ADAMTS3: variants seen among roughly 807,000 people sequenced by gnomAD.
The protein encoded by ADAMTS3 is ADAM metallopeptidase with thrombospondin type 1 motif 3.
Under a neutral mutation model 129.0 loss-of-function variants are expected in ADAMTS3, and 73 were observed. The observed-to-expected ratio is 0.57, with a 90% CI of 0.47 to 0.69. ADAMTS3 has a LOEUF of 0.69. Among genes scored for constraint, ADAMTS3 ranks in the 30% least tolerant of loss-of-function variants. The pLI is 0.00. For synonymous variants in ADAMTS3, 477 were observed against 510.8 expected (o/e 0.93, Z 0.89); for missense variants, 1,457 against 1,514.5 (o/e 0.96, Z 0.63).
At chr4:72,320,903 G>C in intron 6 of ADAMTS3, 33 bp from the exon 7 acceptor site, 1 of 1,588,780 alleles carries the variant, frequency 6.3e-7, no homozygotes, top group Non-Finnish European at 8.6e-7. Flanking sequence ...AGACACACCT[G>C]ACAATTTCCC....
intron 4 of ADAMTS3, among the ~76,000 whole-genome samples, chr4:72,394,674 A>C (rs1022846912): frequency 6.6e-6 from 1 of 152,190 alleles, no homozygotes; most frequent in Non-Finnish European, 1.5e-5. Context: ...TGCATTATTC[A>C]AAAGAAGTCA....
chr4:72,427,106 G>A (rs530860946), intron 3 of ADAMTS3, among the ~76,000 whole-genome samples: 1 of 152,218 alleles, frequency 6.6e-6, no homozygotes, highest in East Asian at 1.9e-4. Flanking sequence ...AGGCTGACTG[G>A]TGTCAAGGTG....
rs577901133 is a variant in ADAMTS3, at chr4:72,348,880, T to A, written c.662-9187A>T. 2.0e-5 allele frequency among the ~76,000 whole-genome samples: 3 copies of A among 151,896 alleles called. No individual in the cohort carries two copies. In the South Asian group the frequency reaches 6.2e-4, roughly 32 times the overall value. ...AAGGACCTGAATTCTGCCAACAACC[T>A]GAATGAGCCTGGAAATGGACTATTT... is the stretch of plus-strand genomic sequence containing the variant. On this transcript the variant is annotated intron_variant, in intron 4 of 21. Coordinates refer to ENST00000286657, the MANE Select transcript of ADAMTS3 (RefSeq NM_014243.3).
chr4:72,547,864 T>C (rs1159422615), intron 3 of ADAMTS3, among the ~76,000 whole-genome samples: 1 of 152,082 alleles, frequency 6.6e-6, no homozygotes, highest in East Asian at 1.9e-4. Flanking sequence ...CAAACCTGAG[T>C]CTACGTAGCA....
chr4:72,415,995 C>T (rs980232552), intron 3 of ADAMTS3, among the ~76,000 whole-genome samples: 1 of 151,300 alleles, frequency 6.6e-6, no homozygotes, highest in African/African-American at 2.4e-5. Context: ...TTTCTCAAAC[C>T]TTTAACTTAT....
chr4:72,539,013 T>C (rs1721250187), intron 3 of ADAMTS3, among the ~76,000 whole-genome samples: 2 of 152,108 alleles, frequency 1.3e-5, no homozygotes, highest in South Asian at 2.1e-4. Context: ...CAAAAATTAA[T>C]ACAAAATGGA....
At chr4:72,412,697 CTGAA>C (rs1055300368) in intron 4 of ADAMTS3, among the ~76,000 whole-genome samples, 2 of 151,980 alleles carry the variant, frequency 1.3e-5, no homozygotes, top group African/African-American at 2.4e-5. Flanking sequence ...TTTAAGAGAA[CTGAA>C]TGATTCAATT....
At chr4:72,418,262 G>T (rs759395110) in intron 3 of ADAMTS3, among the ~76,000 whole-genome samples, 5 of 151,880 alleles carry the variant, frequency 3.3e-5, no homozygotes, top group Non-Finnish European at 5.9e-5. Flanking sequence ...ATAAACCTTC[G>T]CTTTGGCCAC....
chr4:72,442,823 A>G (rs1718154347), intron 3 of ADAMTS3, among the ~76,000 whole-genome samples: 1 of 151,780 alleles, frequency 6.6e-6, no homozygotes. Flanking sequence ...CTGTTTTTCC[A>G]TCCTGAAATT....
intron 4 of ADAMTS3, among the ~76,000 whole-genome samples, chr4:72,349,594 G>A (rs1175193293): frequency 1.7e-4 from 26 of 151,926 alleles, no homozygotes; most frequent in South Asian, 1.2e-3. Context: ...AAAATAAAAT[G>A]TTGCCTATTT....
intron 1 of ADAMTS3, 80 bp from the exon 2 acceptor site, chr4:72,567,481 A>T (rs1010274985): frequency 7.0e-7 from 1 of 1,426,666 alleles, no homozygotes; most frequent in East Asian, 2.3e-5. Context: ...TTCTACCATT[A>T]ATGGTTTCCA....
intron 5 of ADAMTS3, among the ~76,000 whole-genome samples, chr4:72,325,260 A>C (rs1719670228): frequency 6.6e-6 from 1 of 152,188 alleles, no homozygotes; most frequent in South Asian, 2.1e-4. Flanking sequence ...AATGTTAGAC[A>C]AAAAGCTGTT....
At chr4:72,511,350 G>T (rs532248204) in intron 3 of ADAMTS3, among the ~76,000 whole-genome samples, 1 of 152,248 alleles carries the variant, frequency 6.6e-6, no homozygotes, top group South Asian at 2.1e-4. Flanking sequence ...GAAAACATCT[G>T]CAAACTGCCC....
intron 4 of ADAMTS3, among the ~76,000 whole-genome samples, chr4:72,376,726 G>A (rs1323331473): frequency 6.6e-6 from 1 of 152,134 alleles, no homozygotes. Flanking sequence ...CATCTGCAAA[G>A]TGAGACATTA....
intron 2 of ADAMTS3, among the ~76,000 whole-genome samples, chr4:72,564,397 C>T (rs916528515): frequency 2.0e-5 from 3 of 152,146 alleles, no homozygotes; most frequent in African/African-American, 7.2e-5. Context: ...CTCAGGCATC[C>T]TACCAAGGCA....
chr4:72,453,063 A>C (rs1381781163), intron 3 of ADAMTS3, among the ~76,000 whole-genome samples: 1 of 151,806 alleles, frequency 6.6e-6, no homozygotes, highest in Non-Finnish European at 1.5e-5. Context: ...GAATCCTACT[A>C]TACTAGAAAC....
intron 3 of ADAMTS3, among the ~76,000 whole-genome samples, chr4:72,516,259 G>C (rs894119510): frequency 5.3e-5 from 8 of 152,148 alleles, no homozygotes; most frequent in Non-Finnish European, 1.2e-4. Flanking sequence ...ATAGTTTCAA[G>C]TCAGGTAGCG....
rs1200746930 is a variant in ADAMTS3 at position 72,517,142 on chromosome 4, T to C, written c.504+31336A>G. Among the ~76,000 whole-genome samples the C allele has an allele frequency of 2.6e-5, 4 of 152,256 alleles. No homozygotes were observed. The East Asian group carries it at 5.8e-4, about 22-fold the overall frequency. ...TGTTTATATGGTGGATTACATTTAT[T>C]GATTTGCATATATTGAACCAGCCTT... On this transcript the variant is annotated intron_variant, in intron 3 of 21. Transcript: ENST00000286657.
chr4:72,358,460 A>G (rs1720637923), intron 4 of ADAMTS3, among the ~76,000 whole-genome samples: 1 of 151,992 alleles, frequency 6.6e-6, no homozygotes. Flanking sequence ...CTGTACATAT[A>G]TAATATACTG....
Sources: allele counts gnomAD v4.1 joint callset (sites outside exome capture counted in the v4.1 genomes callset), GRCh38; gene constraint gnomAD v4.1.1; transcripts MANE v1.5; gene names NCBI Gene and HGNC (gene_info 2026-07-23, HGNC 2026-07-21).